Variants in KIAA1328 observed in about 807,000 individuals in gnomAD.
KIAA1328 encodes KIAA1328.
KIAA1328 carries 52 observed loss-of-function variants against 68.1 expected under a neutral mutation model. The ratio of observed to expected loss-of-function variants is 0.76; its 90% CI spans 0.61 to 0.96. The LOEUF is 0.96. KIAA1328 is among the 40% of genes least tolerant of loss of function. KIAA1328 has a pLI of 0.00. For missense variants in KIAA1328, 641 were observed against 677.6 expected, an observed-to-expected ratio of 0.95 and a Z score of 0.60; for synonymous variants, 232 against 239.4, an observed-to-expected ratio of 0.97 and a Z score of 0.28.
intron 6 of KIAA1328, among the ~76,000 whole-genome samples, chr18:36,978,358 C>A (rs998993029): frequency 6.6e-6 from 1 of 152,102 alleles, no homozygotes; most frequent in Non-Finnish European, 1.5e-5. Context: ...CAGCATGAAC[C>A]AAGTTGTTTG....
intron 9 of KIAA1328, among the ~76,000 whole-genome samples, chr18:37,204,962 C>CTTGTTGTTGTTG (rs143018752): frequency 6.6e-6 from 1 of 151,118 alleles, no homozygotes; most frequent in Admixed American, 6.6e-5. Flanking sequence ...GGCTTTTGAC[C>CTTGTTGTTGTTG]TTGTTGTTGT....
chr18:37,222,267 C>T lies in KIAA1328; in HGVS notation c.*40C>T, dbSNP rs1388579594. 1.3e-6 allele frequency: 2 copies of T among 1,549,522 alleles called. No individual in the cohort carries two copies. Among genetic ancestry groups the T allele is most frequent in the African/African-American group, 1.4e-5 (1 of 72,982 alleles). On this transcript the variant is annotated 3_prime_UTR_variant, in exon 10 of 10. Transcript: ENST00000280020. The stretch of plus-strand genomic sequence containing the variant: ...TTCTTAGGAAATTTGTGGGTTTCCT[C>T]ACATACTGATCTAGGATTTTAAATT...
intron 6 of KIAA1328, among the ~76,000 whole-genome samples, chr18:37,003,425 G>T (rs952702292): frequency 3.9e-5 from 6 of 152,074 alleles, no homozygotes; most frequent in Non-Finnish European, 5.9e-5. Flanking sequence ...GAAAATATTT[G>T]CTAACTGTTC....
intron 6 of KIAA1328, among the ~76,000 whole-genome samples, chr18:36,961,636 G>T (rs1008206561): frequency 6.6e-6 from 1 of 152,148 alleles, no homozygotes; most frequent in African/African-American, 2.4e-5. Context: ...AACCCTACAA[G>T]CCAGAAGAGA....
intron 1 of KIAA1328, chr18:36,829,459 C>T (rs1298100409): frequency 4.7e-6 from 6 of 1,289,000 alleles, no homozygotes; most frequent in Middle Eastern, 2.9e-4. Context: ...AGAAAGATAG[C>T]CTTGAGTCCA....
intron 4 of KIAA1328, among the ~76,000 whole-genome samples, chr18:36,847,654 G>A (rs2047073224): frequency 6.6e-6 from 1 of 151,418 alleles, no homozygotes; most frequent in African/African-American, 2.4e-5. Flanking sequence ...CTGTATATGA[G>A]TTGTCAAATA....
chr18:37,130,922 T>A (rs1051962352), intron 7 of KIAA1328, among the ~76,000 whole-genome samples: 1 of 152,318 alleles, frequency 6.6e-6, no homozygotes, highest in East Asian at 1.9e-4. Flanking sequence ...TTGTGCTCCA[T>A]CCTGTCCTAT....
At chr18:36,912,267 G>T (rs2049483281) in intron 5 of KIAA1328, among the ~76,000 whole-genome samples, 1 of 152,122 alleles carries the variant, frequency 6.6e-6, no homozygotes, top group African/African-American at 2.4e-5. Flanking sequence ...CAAGGTGTCA[G>T]CAGGACTGTT....
intron 7 of KIAA1328, chr18:37,075,089 T>C (rs1232111514): frequency 3.9e-5 from 6 of 152,012 alleles, no homozygotes; most frequent in South Asian, 4.2e-4. Flanking sequence ...AGAGAAAGGT[T>C]GGGTTACCCA....
intron 9 of KIAA1328, among the ~76,000 whole-genome samples, chr18:37,208,626 A>C (rs2154220051): frequency 6.6e-6 from 1 of 152,320 alleles, no homozygotes; most frequent in East Asian, 1.9e-4. Context: ...GACTGGCCAA[A>C]AGAAATGATT....
chr18:37,102,198 A>G (rs2057640237), intron 7 of KIAA1328, among the ~76,000 whole-genome samples: 1 of 152,258 alleles, frequency 6.6e-6, no homozygotes, highest in Admixed American at 6.5e-5. Flanking sequence ...AGATGCTTCA[A>G]CATATGCAAT....
intron 4 of KIAA1328, among the ~76,000 whole-genome samples, chr18:36,862,354 C>A (rs1294670575): frequency 1.3e-5 from 2 of 152,184 alleles, no homozygotes; most frequent in African/African-American, 4.8e-5. Context: ...CAAATACTTT[C>A]TTTCCTATCT....
At chr18:36,962,094 G>A (rs764341820) in intron 6 of KIAA1328, among the ~76,000 whole-genome samples, 1 of 152,262 alleles carries the variant, frequency 6.6e-6, no homozygotes, top group South Asian at 2.1e-4. Flanking sequence ...GACACACATA[G>A]GCTCAAAATA....
intron 9 of KIAA1328, among the ~76,000 whole-genome samples, chr18:37,207,731 A>T (rs1410828279): frequency 6.6e-6 from 1 of 152,210 alleles, no homozygotes; most frequent in Non-Finnish European, 1.5e-5. Flanking sequence ...CAAACTCTCC[A>T]GTCACCTGGA....
chr18:36,875,106 A>G (rs776641504), intron 4 of KIAA1328, among the ~76,000 whole-genome samples: 19 of 152,222 alleles, frequency 1.2e-4, no homozygotes, highest in Non-Finnish European at 2.4e-4. Flanking sequence ...AGGTAGCATG[A>G]TGCCTTCAGC....
intron 5 of KIAA1328, among the ~76,000 whole-genome samples, chr18:36,940,834 A>C (rs2050683906): frequency 6.6e-6 from 1 of 151,696 alleles, no homozygotes; most frequent in South Asian, 2.1e-4. Flanking sequence ...TGCCACCACG[A>C]CCAGCTAATT....
At chr18:37,096,188 C>T (rs2057400734) in intron 7 of KIAA1328, among the ~76,000 whole-genome samples, 1 of 152,184 alleles carries the variant, frequency 6.6e-6, no homozygotes, top group East Asian at 1.9e-4. Context: ...TAACTCGTCA[C>T]TTAACATTAG....
intron 9 of KIAA1328, among the ~76,000 whole-genome samples, chr18:37,177,847 A>G (rs1340608417): frequency 1.3e-5 from 2 of 152,124 alleles, no homozygotes; most frequent in Non-Finnish European, 2.9e-5. Context: ...TAATTGACAC[A>G]TCATAATTAC....
chr18:36,963,966 A>AT (rs1283258711), intron 6 of KIAA1328, among the ~76,000 whole-genome samples: 1 of 152,194 alleles, frequency 6.6e-6, no homozygotes, highest in Non-Finnish European at 1.5e-5. Flanking sequence ...ATATTAAATC[A>AT]TTTAATCCTA....
Sources: gnomAD v4.1 joint callset for allele counts (sites outside exome capture counted in the v4.1 genomes callset) on GRCh38, gnomAD v4.1.1 for gene constraint, MANE v1.5 for transcripts, NCBI Gene and HGNC (gene_info 2026-07-23, HGNC 2026-07-21) for gene names.